Variants in TSHZ2 observed in about 807,000 individuals in gnomAD.
TSHZ2 encodes teashirt zinc finger homeobox 2, also known as teashirt homolog 2.
A neutral mutation model predicts 74.4 loss-of-function variants in TSHZ2; 21 were observed. That is an observed-to-expected ratio of 0.28 (90% CI 0.20 to 0.41). TSHZ2 has a LOEUF of 0.41. TSHZ2 is among the 10% of genes least tolerant of loss of function. The pLI, the probability that TSHZ2 is intolerant of heterozygous loss-of-function variation, is 1.00. For missense variants in TSHZ2, 1,244 were observed against 1,293.5 expected, an observed-to-expected ratio of 0.96 and a Z score of 0.59; for synonymous variants, 540 against 515.3, an observed-to-expected ratio of 1.05 and a Z score of -0.65.
intron 1 of TSHZ2, among the ~76,000 whole-genome samples, chr20:53,041,889 C>T (rs1009341375): frequency 6.6e-6 from 1 of 152,200 alleles, no homozygotes; most frequent in African/African-American, 2.4e-5. Context: ...CTCATTCCTT[C>T]TTCTAACTTC....
intron 1 of TSHZ2, among the ~76,000 whole-genome samples, chr20:53,026,260 G>A (rs1001766256): frequency 2.6e-5 from 4 of 151,974 alleles, no homozygotes; most frequent in African/African-American, 9.7e-5. Context: ...TGACCTGTCT[G>A]CAAGCTCTTC....
At chr20:53,288,435 C>A (rs1568853247) in intron 2 of TSHZ2, among the ~76,000 whole-genome samples, 2 of 151,238 alleles carry the variant, frequency 1.3e-5, no homozygotes, top group Non-Finnish European at 2.9e-5. Flanking sequence ...AAACTAGCTA[C>A]TGTTCAATAA....
At chr20:52,983,158 G>T (rs1030747958) in intron 1 of TSHZ2, among the ~76,000 whole-genome samples, 1 of 152,154 alleles carries the variant, frequency 6.6e-6, no homozygotes, top group African/African-American at 2.4e-5. Flanking sequence ...GAGTCAAGCC[G>T]ACCTGGGGTC....
intron 2 of TSHZ2, among the ~76,000 whole-genome samples, chr20:53,378,568 C>A (rs1443782295): frequency 6.6e-6 from 1 of 152,002 alleles, no homozygotes; most frequent in Non-Finnish European, 1.5e-5. Flanking sequence ...ATTTAAAACC[C>A]TGTGTAGTGT....
intron 2 of TSHZ2, among the ~76,000 whole-genome samples, chr20:53,313,574 T>C (rs1429950724): frequency 6.6e-6 from 1 of 152,228 alleles, no homozygotes; most frequent in Non-Finnish European, 1.5e-5. Context: ...TCATTATACC[T>C]AAAAGTCCTT....
At chr20:53,440,041 T>C (rs561339356) in intron 2 of TSHZ2, among the ~76,000 whole-genome samples, 1 of 152,068 alleles carries the variant, frequency 6.6e-6, no homozygotes, top group Admixed American at 6.5e-5. Flanking sequence ...ATTTAAGGGA[T>C]GCCATTACAT....
intron 2 of TSHZ2, among the ~76,000 whole-genome samples, chr20:53,308,907 G>T (rs1401738566): frequency 6.6e-6 from 1 of 152,192 alleles, no homozygotes; most frequent in Non-Finnish European, 1.5e-5. Context: ...TGAGTTTATT[G>T]TTATATGGTT....
chr20:53,353,386 T>C (rs547624071), intron 2 of TSHZ2, among the ~76,000 whole-genome samples: 4 of 152,356 alleles, frequency 2.6e-5, no homozygotes, highest in African/African-American at 9.6e-5. Flanking sequence ...TGTGTACACA[T>C]ACATGTCATA....
intron 2 of TSHZ2, among the ~76,000 whole-genome samples, chr20:53,290,402 CTAAG>C (rs959676061): frequency 9.2e-5 from 14 of 151,952 alleles, no homozygotes; most frequent in African/African-American, 9.7e-5. Context: ...AAATCAAAAA[CTAAG>C]TAATTTTTTT....
Position 53,491,756 on chromosome 20 carries a change from G to C in TSHZ2, c.*4621G>C, listed in dbSNP as rs1172822474. The C allele has an allele frequency of 6.6e-6, 1 of 152,164 alleles. No homozygotes were observed. Among genetic ancestry groups the C allele is most frequent in the Non-Finnish European group, 1.5e-5 (1 of 68,016 alleles). 9.4% of individuals were successfully genotyped at this position (152,164 alleles called of 1,614,324 possible). A position where few individuals can be genotyped will look rare whatever the true frequency, so the allele number is the denominator to read the frequency against. On this transcript the variant is annotated 3_prime_UTR_variant, in exon 3 of 3. Transcript: ENST00000371497. ...TTAAAATGCTAGTACCAGGTGGAAC[G>C]CTATTTCTGCAACAGGACTCTGTCC...
chr20:53,445,480 G>T (rs929881125), intron 2 of TSHZ2, among the ~76,000 whole-genome samples: 2 of 152,206 alleles, frequency 1.3e-5, no homozygotes, highest in African/African-American at 4.8e-5. Flanking sequence ...GCCATACAGT[G>T]AGCCATGAGC....
intron 2 of TSHZ2, among the ~76,000 whole-genome samples, chr20:53,392,453 C>CA (rs1236229800): frequency 1.5e-3 from 224 of 150,098 alleles, no homozygotes; most frequent in Middle Eastern, 6.8e-3. Context: ...CAAAAACAAA[C>CA]AAAAAAAAAT....
intron 2 of TSHZ2, among the ~76,000 whole-genome samples, chr20:53,439,427 T>G (rs745583477): frequency 6.6e-6 from 1 of 152,234 alleles, no homozygotes; most frequent in African/African-American, 2.4e-5. Context: ...ATCCTCCCTT[T>G]CTAGCCATTT....
chr20:53,203,193 T>A (rs1278407382), intron 1 of TSHZ2, among the ~76,000 whole-genome samples: 1 of 80,198 alleles, frequency 1.2e-5, no homozygotes, highest in South Asian at 3.6e-4. Context: ...AGACTCAAAT[T>A]TTTTTTTTTT....
chr20:53,448,013 A>G (rs1282326976), intron 2 of TSHZ2, among the ~76,000 whole-genome samples: 1 of 149,942 alleles, frequency 6.7e-6, no homozygotes, highest in African/African-American at 2.5e-5. Context: ...TCCCTGGTTC[A>G]CGCCATTCTC....
chr20:53,053,719 A>C (rs1984554853), intron 1 of TSHZ2, among the ~76,000 whole-genome samples: 1 of 152,230 alleles, frequency 6.6e-6, no homozygotes, highest in Admixed American at 6.5e-5. Flanking sequence ...TAGCGCATAC[A>C]TAAAACATTT....
chr20:53,254,766 A>G lies in TSHZ2; in HGVS notation c.1308A>G (p.Pro436=). ...VEKMQSLSEA[P]NSDSLAPKPS... is the part of the protein sequence containing the mutation. ...AAATGCAGTCGTTGTCTGAGGCCCC[A>G]AACAGTGATTCTCTGGCTCCCAAGC... The change falls in exon 2 of 3, where the codon CCA becomes CCG. Residue 436 remains proline, a synonymous_variant. Coordinates refer to ENST00000371497, the MANE Select transcript of TSHZ2 (RefSeq NM_173485.6). 1 of 1,613,420 alleles carries G rather than the reference A, an allele frequency of 6.2e-7. No individual in the cohort carries two copies. Among genetic ancestry groups the G allele is most frequent in the Non-Finnish European group, 8.5e-7 (1 of 1,179,476 alleles).
At chr20:53,106,425 G>A (rs1174259514) in intron 1 of TSHZ2, among the ~76,000 whole-genome samples, 1 of 44,796 alleles carries the variant, frequency 2.2e-5, no homozygotes, top group South Asian at 1.1e-3. Flanking sequence ...TTTTTTTTGA[G>A]ACGGAGTCTT....
chr20:53,419,907 G>A (rs1375406500), intron 2 of TSHZ2, among the ~76,000 whole-genome samples: 1 of 152,204 alleles, frequency 6.6e-6, no homozygotes, highest in African/African-American at 2.4e-5. Flanking sequence ...CTCCTAATAC[G>A]TCCTGCTGAG....
Sources: allele counts gnomAD v4.1 joint callset (sites outside exome capture counted in the v4.1 genomes callset), GRCh38; gene constraint gnomAD v4.1.1; transcripts MANE v1.5; gene names NCBI Gene and HGNC (gene_info 2026-07-23, HGNC 2026-07-21).